The following VPS13B variants were observed in gnomAD, a reference collection of about 807,000 sequenced individuals.
VPS13B encodes the protein intermembrane lipid transfer protein VPS13B.
VPS13B carries 285 observed loss-of-function variants against 426.4 expected under a neutral mutation model. The ratio of observed to expected loss-of-function variants is 0.67; its 90% CI spans 0.61 to 0.74. VPS13B has a LOEUF of 0.74. Ranked by LOEUF, VPS13B falls within the 30% of genes least tolerant of loss-of-function variation. The probability of loss-of-function intolerance (pLI) is 0.00; values close to 1 mark genes in which losing one functional copy is unlikely to be tolerated. For synonymous variants in VPS13B, 1,676 were observed against 1,676.4 expected (o/e 1.00, Z 0.01); for missense variants, 4,537 against 4,782.6 (o/e 0.95, Z 1.51).
At chr8:99,698,917 A>C (rs1336202517) in intron 35 of VPS13B, among the ~76,000 whole-genome samples, 2 of 152,206 alleles carry the variant, frequency 1.3e-5, no homozygotes, top group African/African-American at 4.8e-5. Context: ...AAGAAATCTC[A>C]GTCTACCAAT....
At chr8:99,038,312 T>C (rs1842832464) in intron 2 of VPS13B, 111 bp from the exon 3 acceptor site, 2 of 868,664 alleles carry the variant, frequency 2.3e-6, no homozygotes, top group South Asian at 2.0e-5. Context: ...AAACAATAAG[T>C]CTCTGAATAT....
chr8:99,521,879 A>G (rs983271845), intron 30 of VPS13B, among the ~76,000 whole-genome samples: 9 of 152,140 alleles, frequency 5.9e-5, no homozygotes, highest in East Asian at 1.9e-4. Flanking sequence ...TTTATTTCTC[A>G]TATTTCTCTG....
chr8:99,093,374 TTTTA>T (rs931915890), intron 3 of VPS13B, among the ~76,000 whole-genome samples: 35 of 151,822 alleles, frequency 2.3e-4, no homozygotes, highest in African/African-American at 7.7e-4. Flanking sequence ...TTTAAATTTT[TTTTA>T]TTTATTTATT....
chr8:99,789,003 C>A (rs532764346), intron 43 of VPS13B, among the ~76,000 whole-genome samples: 1 of 152,282 alleles, frequency 6.6e-6, no homozygotes, highest in East Asian at 1.9e-4. Context: ...ATGTAATTAA[C>A]CTGTACTCAC....
At chr8:99,713,469 A>G (rs1444028097) in intron 36 of VPS13B, among the ~76,000 whole-genome samples, 1 of 152,230 alleles carries the variant, frequency 6.6e-6, no homozygotes, top group Admixed American at 6.5e-5. Context: ...TGATGGTCAT[A>G]GAAAGAGGTT....
chr8:99,827,349 A>T (rs536313337), intron 51 of VPS13B, among the ~76,000 whole-genome samples: 2 of 152,242 alleles, frequency 1.3e-5, no homozygotes, highest in South Asian at 4.1e-4. Context: ...TTTCTAGTTT[A>T]TTCGCATAGA....
chr8:99,818,927 A>G (rs753901280), intron 47 of VPS13B, 39 bp downstream of exon 47: 1 of 1,310,828 alleles, frequency 7.6e-7, no homozygotes, highest in South Asian at 1.2e-5. Context: ...ACATTTTCCT[A>G]GGAGAAATTA....
chr8:99,337,472 C>CATA (rs1810974004), intron 19 of VPS13B, among the ~76,000 whole-genome samples: 1 of 151,368 alleles, frequency 6.6e-6, no homozygotes, highest in Non-Finnish European at 1.5e-5. Context: ...ATGTAACTAA[C>CATA]CTGCACATTG....
chr8:99,181,107 A>C (rs1450215956), intron 16 of VPS13B, among the ~76,000 whole-genome samples: 1 of 152,204 alleles, frequency 6.6e-6, no homozygotes, highest in Non-Finnish European at 1.5e-5. Flanking sequence ...ATAATTAGTT[A>C]TGATAAAATG....
At chr8:99,564,805 A>G (rs146199004) in intron 31 of VPS13B, among the ~76,000 whole-genome samples, 1 of 152,250 alleles carries the variant, frequency 6.6e-6, no homozygotes, top group South Asian at 2.1e-4. Flanking sequence ...GTCACAAAAA[A>G]TAGAGCTATG....
At chr8:99,295,982 C>CT (rs1434785600) in intron 19 of VPS13B, among the ~76,000 whole-genome samples, 1 of 152,052 alleles carries the variant, frequency 6.6e-6, no homozygotes, top group Non-Finnish European at 1.5e-5. Context: ...GCAGTGAGCT[C>CT]TGTTTGCATC....
At chr8:99,154,701 T>A (rs1811263513) in intron 14 of VPS13B, among the ~76,000 whole-genome samples, 1 of 152,156 alleles carries the variant, frequency 6.6e-6, no homozygotes, top group Non-Finnish European at 1.5e-5. Context: ...TGAGACCTTA[T>A]AAGGGCCACA....
chr8:99,060,098 GTAAAAAAA>G (rs1844099678), intron 3 of VPS13B, among the ~76,000 whole-genome samples: 2 of 152,056 alleles, frequency 1.3e-5, no homozygotes, highest in Non-Finnish European at 2.9e-5. Context: ...TGAAAAAGAA[GTAAAAAAA>G]CTACAAACCA....
chr8:99,244,410 G>A (rs1817093153), intron 17 of VPS13B, among the ~76,000 whole-genome samples: 1 of 152,164 alleles, frequency 6.6e-6, no homozygotes, highest in Non-Finnish European at 1.5e-5. Flanking sequence ...TGTAGATGTT[G>A]GAATTTGCTT....
intron 19 of VPS13B, among the ~76,000 whole-genome samples, chr8:99,275,726 CT>C (rs1255422805): frequency 3.9e-5 from 6 of 152,002 alleles, no homozygotes; most frequent in African/African-American, 1.2e-4. Flanking sequence ...TCTGGTAGCA[CT>C]TTGAATAGAA....
chr8:99,122,944 C>T (rs13271726), intron 8 of VPS13B, among the ~76,000 whole-genome samples: 110,592 of 150,724 alleles, frequency 0.73, 41,297 homozygotes, highest in South Asian at 0.87. Context: ...GAAACCCCAT[C>T]TCTACTAAAA....
At chr8:99,467,686 C>T (rs748080263) in intron 24 of VPS13B, 52 bp downstream of exon 24, 1 of 1,557,684 alleles carries the variant, frequency 6.4e-7, no homozygotes, top group Non-Finnish European at 8.8e-7. Flanking sequence ...GATTTAAAAG[C>T]AATTGTTATC....
intron 19 of VPS13B, among the ~76,000 whole-genome samples, chr8:99,366,519 GTTTTTTTTTGTT>G (rs1812899358): frequency 7.6e-6 from 1 of 131,886 alleles, no homozygotes; most frequent in South Asian, 2.4e-4. Flanking sequence ...ATTGGGTCTT[GTTTTTTTTTGTT>G]TTTTTTTTTT....
In VPS13B at chr8:99,467,409, A is replaced by G. The variant is rs1475966525; in HGVS notation, c.3446-5A>G. ...TTCCCTATTCCCTTTTATCCCCTATATCAGGTGATGCTTTTCCTTGGACGA... is the reference window on the plus strand; with the variant it reads ...TTCCCTATTCCCTTTTATCCCCTATGTCAGGTGATGCTTTTCCTTGGACGA... On this transcript the variant is annotated splice_polypyrimidine_tract_variant and splice_region_variant and intron_variant, in intron 23 of 61. Coordinates refer to ENST00000357162, the MANE Select transcript of VPS13B (RefSeq NM_152564.5). 8 of 1,612,776 alleles carry G rather than the reference A, an allele frequency of 5.0e-6. No homozygotes were observed. The highest frequency in any genetic ancestry group is 1.1e-5 in the South Asian group (1 of 91,074).
Sources: gnomAD v4.1 joint callset for allele counts (sites outside exome capture counted in the v4.1 genomes callset) on GRCh38, gnomAD v4.1.1 for gene constraint, MANE v1.5 for transcripts, NCBI Gene and HGNC (gene_info 2026-07-23, HGNC 2026-07-21) for gene names.